IL1R1: variants seen among roughly 807,000 people sequenced by gnomAD.
The protein encoded by IL1R1 is interleukin-1 receptor type 1.
Under a neutral mutation model 50.2 loss-of-function variants are expected in IL1R1, and 22 were observed. The ratio of observed to expected loss-of-function variants is 0.44; its 90% CI spans 0.31 to 0.63. The LOEUF is 0.63. IL1R1 is among the 20% of genes least tolerant of loss of function. The pLI is 0.07. For synonymous variants in IL1R1, 251 were observed against 236.7 expected, an observed-to-expected ratio of 1.06 and a Z score of -0.55; for missense variants, 509 against 676.2, an observed-to-expected ratio of 0.75 and a Z score of 2.74.
chr2:102,090,077 G>A (rs1444429715), intron 1 of IL1R1, among the ~76,000 whole-genome samples: 12 of 151,222 alleles, frequency 7.9e-5, no homozygotes, highest in Admixed American at 3.3e-4. Context: ...CTCATGATCC[G>A]CCTGCCTCAG....
At chr2:102,125,474 G>A (rs544320886) in intron 1 of IL1R1, among the ~76,000 whole-genome samples, 2 of 152,146 alleles carry the variant, frequency 1.3e-5, no homozygotes, top group African/African-American at 4.8e-5. Context: ...AGAGTTTCTG[G>A]CATGGGTTGA....
intron 1 of IL1R1, among the ~76,000 whole-genome samples, chr2:102,071,483 A>G (rs1678716847): frequency 6.6e-6 from 1 of 152,204 alleles, no homozygotes; most frequent in Admixed American, 6.5e-5. Context: ...ATTGTGTCAT[A>G]ATGTATTTAT....
intron 1 of IL1R1, among the ~76,000 whole-genome samples, chr2:102,109,298 C>T (rs1365379334): frequency 1.3e-5 from 2 of 152,140 alleles, no homozygotes; most frequent in African/African-American, 2.4e-5. Context: ...GAGTCACCTA[C>T]TAAAGGAACA....
At chr2:102,103,247 A>G (rs191794364), upstream of IL1R1, among the ~76,000 whole-genome samples, 1 of 152,140 alleles carries the variant, frequency 6.6e-6, no homozygotes, top group Non-Finnish European at 1.5e-5. Flanking sequence ...CGTTATCATC[A>G]CAGAGAGAAG....
chr2:102,146,100 C>G (rs200006796), intron 1 of IL1R1, among the ~76,000 whole-genome samples: 1 of 151,956 alleles, frequency 6.6e-6, no homozygotes, highest in Non-Finnish European at 1.5e-5. Context: ...AAGCACAGTT[C>G]GGTAATCATG....
chr2:102,167,001 G>C (rs969835518), intron 6 of IL1R1, among the ~76,000 whole-genome samples: 23 of 152,318 alleles, frequency 1.5e-4, no homozygotes, highest in Middle Eastern at 3.4e-3. Context: ...CCAGGGGATA[G>C]TCAGAATGCT....
At chr2:102,078,311 G>A (rs997438662) in intron 1 of IL1R1, among the ~76,000 whole-genome samples, 7 of 151,962 alleles carry the variant, frequency 4.6e-5, no homozygotes. Context: ...AACTGGCAAA[G>A]CATTCACTGG....
At chr2:102,144,465 T>G (rs554063862) in intron 1 of IL1R1, among the ~76,000 whole-genome samples, 2 of 151,596 alleles carry the variant, frequency 1.3e-5, no homozygotes, top group Non-Finnish European at 2.9e-5. Context: ...GACATCAAGT[T>G]TTTTTTTTAT....
intron 1 of IL1R1, among the ~76,000 whole-genome samples, chr2:102,093,996 G>A (rs994345281): frequency 6.6e-6 from 1 of 152,158 alleles, no homozygotes. Context: ...ACCATGATCT[G>A]CCCTGGGGAA....
At chr2:102,165,454 A>G (rs1344900207) in intron 5 of IL1R1, 150 bp downstream of exon 5, 2 of 450,066 alleles carry the variant, frequency 4.4e-6, no homozygotes, top group Non-Finnish European at 7.8e-6. Context: ...AAGAATTGTA[A>G]GACTGCATTC....
chr2:102,074,843 C>T (rs916087080), intron 1 of IL1R1, among the ~76,000 whole-genome samples: 1 of 152,092 alleles, frequency 6.6e-6, no homozygotes, highest in African/African-American at 2.4e-5. Context: ...TTTTTATTTT[C>T]TTCTTTACTA....
rs373998723 is a variant in IL1R1 at position 102,165,093 on chromosome 2, T to A, written c.297-22T>A. On this transcript the variant is annotated intron_variant, in intron 4 of 11. Transcript: ENST00000410023. ...GAAATACTTTTAATAATGCTTAACT[T>A]ACCTATTTTATTTTATTTTAGAAAT... is the stretch of plus-strand genomic sequence containing the variant. 7.8e-6 allele frequency: 12 copies of A among 1,540,784 alleles called. No homozygotes were observed. In the African/African-American group the frequency reaches 1.7e-4, roughly 21 times the overall value.
At chr2:102,072,937 G>C (rs1577778672) in intron 1 of IL1R1, among the ~76,000 whole-genome samples, 1 of 152,184 alleles carries the variant, frequency 6.6e-6, no homozygotes. Context: ...CCAGTTCTGA[G>C]CTTGAGCTGA....
At chr2:102,131,140 G>T (rs903340204) in intron 1 of IL1R1, among the ~76,000 whole-genome samples, 15 of 152,178 alleles carry the variant, frequency 9.9e-5, no homozygotes, top group Admixed American at 8.5e-4. Flanking sequence ...AATTCATAGG[G>T]ATTTGTTAGA....
upstream of IL1R1, among the ~76,000 whole-genome samples, chr2:102,140,213 C>G (rs899772912): frequency 5.9e-5 from 9 of 152,214 alleles, no homozygotes; most frequent in African/African-American, 1.9e-4. Flanking sequence ...TCAAGCCTAG[C>G]CTTAATGTTT....
chr2:102,141,694 C>G (rs890558753), upstream of IL1R1: 2 of 152,186 alleles, frequency 1.3e-5, no homozygotes, highest in Non-Finnish European at 2.9e-5. Flanking sequence ...AGAACAAGAG[C>G]CTGCCCAGTC....
At chr2:102,135,048 T>C (rs1159219520) in intron 1 of IL1R1, among the ~76,000 whole-genome samples, 3 of 152,236 alleles carry the variant, frequency 2.0e-5, no homozygotes, top group East Asian at 1.9e-4. Flanking sequence ...TAACTCATTT[T>C]TTTTTCTTGG....
At position 102,089,883 on chromosome 2, in the gene IL1R1, G is replaced by A. The variant is rs577759437; in HGVS notation, c.-84+19350G>A. On this transcript the variant is annotated intron_variant, in intron 1 of 11. Transcript: ENST00000409929. The stretch of plus-strand genomic sequence containing the variant: ...GAGTCTCACTCTGTTGCTCAGGCTG[G>A]AGTGCAGTGGTACGATCTCGGCTCA... Among the ~76,000 whole-genome samples the A allele has an allele frequency of 5.3e-5, 8 of 150,262 alleles. No homozygotes were observed. The South Asian group carries it at 1.7e-3, about 32-fold the overall frequency.
chr2:102,149,781 G>A (rs555953177), intron 1 of IL1R1, among the ~76,000 whole-genome samples: 1 of 152,230 alleles, frequency 6.6e-6, no homozygotes, highest in African/African-American at 2.4e-5. Flanking sequence ...CAATATGGAA[G>A]GGAGCTGGGG....
Sources: gnomAD v4.1 joint callset for allele counts (sites outside exome capture counted in the v4.1 genomes callset) on GRCh38, gnomAD v4.1.1 for gene constraint, MANE v1.5 for transcripts, NCBI Gene and HGNC (gene_info 2026-07-23, HGNC 2026-07-21) for gene names.